PPP2R5C: variants seen among roughly 807,000 people sequenced by gnomAD.
PPP2R5C encodes serine/threonine-protein phosphatase 2A 56 kDa regulatory subunit gamma isoform.
Under a neutral mutation model 68.9 loss-of-function variants are expected in PPP2R5C, and 7 were observed. The observed-to-expected ratio is 0.10, with a 90% CI of 0.06 to 0.19. PPP2R5C has a LOEUF of 0.19. PPP2R5C is among the 10% of genes least tolerant of loss of function. The pLI is 1.00. For synonymous variants in PPP2R5C, 210 were observed against 222.2 expected (o/e 0.95, Z 0.49); for missense variants, 348 against 641.3 (o/e 0.54, Z 4.94).
chr14:101,804,547 AGAT>A (rs1254578690), intron 3 of PPP2R5C, among the ~76,000 whole-genome samples: 29 of 152,220 alleles, frequency 1.9e-4, no homozygotes, highest in Non-Finnish European at 1.2e-4. Context: ...TGAAAAAGAA[AGAT>A]CCAGTCATCT....
intron 1 of PPP2R5C, among the ~76,000 whole-genome samples, chr14:101,817,084 A>G (rs542898832): frequency 6.6e-6 from 1 of 150,866 alleles, no homozygotes; most frequent in South Asian, 2.1e-4. Context: ...CAGCCTCTCA[A>G]GTAGCTGGGA....
At chr14:101,796,753 G>A (rs1402398155) in intron 3 of PPP2R5C, 1 of 189,012 alleles carries the variant, frequency 5.3e-6, no homozygotes, top group Non-Finnish European at 1.1e-5. Flanking sequence ...ATGGGGTTTA[G>A]TTTCCAGCTG....
chr14:101,925,338 C>T, exon 14 of PPP2R5C: 1 of 1,587,774 alleles, frequency 6.3e-7, no homozygotes, highest in East Asian at 2.3e-5. Flanking sequence ...AAAATACATA[C>T]TTCCTGTGCC....
chr14:101,859,601 G>A (rs1395163729), intron 2 of PPP2R5C, among the ~76,000 whole-genome samples: 2 of 152,228 alleles, frequency 1.3e-5, no homozygotes, highest in African/African-American at 2.4e-5. Flanking sequence ...GGGCATTGAT[G>A]AGAAGTATAG....
At chr14:101,796,103 A>G (rs2140115031) in intron 3 of PPP2R5C, among the ~76,000 whole-genome samples, 1 of 152,304 alleles carries the variant, frequency 6.6e-6, no homozygotes, top group South Asian at 2.1e-4. Flanking sequence ...GATTACAGCC[A>G]TGAGAGCCAC....
At chr14:101,904,324 A>T (rs1251733045) in intron 9 of PPP2R5C, among the ~76,000 whole-genome samples, 2 of 151,834 alleles carry the variant, frequency 1.3e-5, no homozygotes, top group African/African-American at 2.4e-5. Context: ...TGATTTTTGT[A>T]TTTTTAGTAG....
At chr14:101,846,801 C>T (rs1458925920) in intron 1 of PPP2R5C, among the ~76,000 whole-genome samples, 1 of 152,192 alleles carries the variant, frequency 6.6e-6, no homozygotes, top group Non-Finnish European at 1.5e-5. Context: ...CTGCCTACCT[C>T]TGGCTTCTTG....
intron 1 of PPP2R5C, chr14:101,810,190 C>T: frequency 1.5e-6 from 1 of 674,320 alleles, no homozygotes; most frequent in Middle Eastern, 2.5e-4. Context: ...TGTGTCACTG[C>T]AGTTTGGCAT....
intron 2 of PPP2R5C, chr14:101,765,238 A>G (rs1207320141): frequency 2.8e-6 from 2 of 702,692 alleles, no homozygotes; most frequent in Non-Finnish European, 5.2e-6. Context: ...GCTTCCTCAT[A>G]AGGATACCAG....
At chr14:101,918,309 T>C (rs1309853323) in intron 13 of PPP2R5C, among the ~76,000 whole-genome samples, 1 of 149,478 alleles carries the variant, frequency 6.7e-6, no homozygotes, top group East Asian at 2.0e-4. Context: ...CCAGAGAGGC[T>C]CCCTTAGCTC....
At chr14:101,907,561 A>G (rs559657603) in intron 10 of PPP2R5C, among the ~76,000 whole-genome samples, 3 of 152,104 alleles carry the variant, frequency 2.0e-5, no homozygotes, top group African/African-American at 7.2e-5. Context: ...ATCTCTTTCC[A>G]TTGTATATTG....
chr14:101,885,648 A>G (rs1052340005), intron 5 of PPP2R5C, among the ~76,000 whole-genome samples: 3 of 152,252 alleles, frequency 2.0e-5, no homozygotes, highest in Non-Finnish European at 2.9e-5. Context: ...ACTCCTTCCA[A>G]GTACCCCACA....
At chr14:101,911,052 G>T (rs546096203) in intron 11 of PPP2R5C, among the ~76,000 whole-genome samples, 1 of 148,490 alleles carries the variant, frequency 6.7e-6, no homozygotes, top group East Asian at 2.0e-4. Context: ...GCAGTGAGCT[G>T]AGCTCACACC....
rs2037656238 is a variant in PPP2R5C, at chr14:101,781,017, G to T, written c.94-5001G>T. 6.6e-6 allele frequency among the ~76,000 whole-genome samples: 1 copy of T among 152,200 alleles called. No individual in the cohort carries two copies. Among genetic ancestry groups the T allele is most frequent in the Non-Finnish European group, 1.5e-5 (1 of 68,038 alleles). Reference sequence around the variant, plus strand: ...TGTAAGCTAAGGATGCGCCAGCTCGGCCTGAACCATGGAATGCAGCGTGGG... The same window carrying T: ...TGTAAGCTAAGGATGCGCCAGCTCGTCCTGAACCATGGAATGCAGCGTGGG... On this transcript the variant is annotated intron_variant, in intron 2 of 14. Coordinates refer to the PPP2R5C transcript ENST00000328724. This position sits in a 1 kb window ranked among gnomAD's most constrained non-coding sequence, Gnocchi z 6.4.
At chr14:101,919,094 A>C (rs531539690) in intron 13 of PPP2R5C, among the ~76,000 whole-genome samples, 1 of 152,342 alleles carries the variant, frequency 6.6e-6, no homozygotes, top group South Asian at 2.1e-4. Context: ...TGACTGCTAG[A>C]AGATTCGGAA....
chr14:101,886,497 G>A (rs944459523), intron 5 of PPP2R5C, among the ~76,000 whole-genome samples: 11 of 151,842 alleles, frequency 7.2e-5, no homozygotes, highest in Admixed American at 2.0e-4. Flanking sequence ...CTGTAATTGT[G>A]TGCATGCTTT....
intron 1 of PPP2R5C, chr14:101,844,138 T>TGGTG (rs2140447089): frequency 1.4e-5 from 2 of 147,310 alleles, no homozygotes; most frequent in African/African-American, 5.2e-5. Flanking sequence ...TTGGTGTTTT[T>TGGTG]TTTGTTTTTT....
At chr14:101,926,661 T>G (rs2047299202) in exon 14 of PPP2R5C, 1 of 152,550 alleles carries the variant, frequency 6.6e-6, no homozygotes, top group African/African-American at 2.4e-5. Context: ...TAATGTTAAG[T>G]GTCTTGAGGC....
chr14:101,919,131 C>T (rs746191456), intron 13 of PPP2R5C, among the ~76,000 whole-genome samples: 20 of 152,260 alleles, frequency 1.3e-4, no homozygotes, highest in Admixed American at 3.9e-4. Context: ...GCCATATCCC[C>T]GGCTCCTTTC....
Sources: allele counts gnomAD v4.1 joint callset (sites outside exome capture counted in the v4.1 genomes callset), GRCh38; gene constraint gnomAD v4.1.1; non-coding constraint Gnocchi (gnomAD v3.1); transcripts MANE v1.5; gene names NCBI Gene and HGNC (gene_info 2026-07-23, HGNC 2026-07-21).